CCN4: variants seen among roughly 807,000 people sequenced by gnomAD.
CCN4 encodes the protein cellular communication network factor 4, also known as CCN family member 4.
CCN4 carries 30 observed loss-of-function variants against 36.7 expected under a neutral mutation model. The observed-to-expected ratio is 0.82, with a 90% confidence interval of 0.61 to 1.11. The LOEUF (loss-of-function observed/expected upper bound fraction) is 1.11. CCN4 is among the 50% of genes least tolerant of loss of function. The pLI is 0.00. For synonymous variants in CCN4, 191 were observed against 195.4 expected, an observed-to-expected ratio of 0.98 and a Z score of 0.19; for missense variants, 505 against 504.9, an observed-to-expected ratio of 1.00 and a Z score of 0.00.
chr8:133,209,317 A>G (rs956429729), intron 1 of CCN4, among the ~76,000 whole-genome samples: 3 of 152,210 alleles, frequency 2.0e-5, no homozygotes, highest in African/African-American at 7.2e-5. Context: ...TGGACAAGGC[A>G]GCTGGCACTC....
At chr8:133,194,673 GGT>G (rs1171503280) in intron 1 of CCN4, among the ~76,000 whole-genome samples, 1 of 120,230 alleles carries the variant, frequency 8.3e-6, no homozygotes. Flanking sequence ...TGGGGGATGT[GGT>G]GTGTGTGTGG....
intron 3 of CCN4, among the ~76,000 whole-genome samples, chr8:133,222,120 G>T (rs1854557686): frequency 2.0e-5 from 3 of 151,098 alleles, no homozygotes; most frequent in Non-Finnish European, 4.4e-5. Flanking sequence ...TCAATTAATG[G>T]ATGGATGGAT....
chr8:133,214,599 C>A (rs1854249918), intron 2 of CCN4, among the ~76,000 whole-genome samples: 1 of 152,034 alleles, frequency 6.6e-6, no homozygotes, highest in Admixed American at 6.6e-5. Context: ...TTCCAAGACA[C>A]CTCCTTTATG....
intron 1 of CCN4, among the ~76,000 whole-genome samples, chr8:133,201,013 T>C (rs2130542052): frequency 6.6e-6 from 1 of 152,264 alleles, no homozygotes; most frequent in South Asian, 2.1e-4. Flanking sequence ...GAGCACTCTG[T>C]GGTCCTATTC....
At chr8:133,191,295 G>A in intron 1 of CCN4, 82 bp downstream of exon 1, 1 of 1,464,486 alleles carries the variant, frequency 6.8e-7, no homozygotes, top group Non-Finnish European at 9.2e-7. Flanking sequence ...TGGTGGGCAG[G>A]ATGAAAAGGG....
chr8:133,226,333 A>G (rs1471887805), intron 4 of CCN4, among the ~76,000 whole-genome samples: 1 of 152,202 alleles, frequency 6.6e-6, no homozygotes, highest in African/African-American at 2.4e-5. Flanking sequence ...GTTGCCTCCC[A>G]TGTAGAAAAG....
chr8:133,204,104 T>C (rs1377247577), intron 1 of CCN4, among the ~76,000 whole-genome samples: 5 of 152,220 alleles, frequency 3.3e-5, no homozygotes, highest in African/African-American at 4.8e-5. Context: ...TCATCACTGT[T>C]CACCTACCTA....
intron 3 of CCN4, 86 bp from the exon 4 acceptor site, chr8:133,225,304 G>T: frequency 7.2e-7 from 1 of 1,386,792 alleles, no homozygotes; most frequent in Non-Finnish European, 9.7e-7. Flanking sequence ...TGAGTTCTGG[G>T]GACCGCAGAC....
At chr8:133,196,643 C>T (rs1387915932) in intron 1 of CCN4, among the ~76,000 whole-genome samples, 1 of 152,188 alleles carries the variant, frequency 6.6e-6, no homozygotes, top group Non-Finnish European at 1.5e-5. Flanking sequence ...GCTTTGTGCC[C>T]TCAGGTAAGT....
chr8:133,225,716 T>A (rs1448926355), intron 4 of CCN4, 133 bp downstream of exon 4: 2 of 867,972 alleles, frequency 2.3e-6, no homozygotes, highest in Non-Finnish European at 1.6e-6. Context: ...AGGTCTGGTG[T>A]AACAGCTATT....
intron 3 of CCN4, among the ~76,000 whole-genome samples, chr8:133,221,154 G>A (rs1188515378): frequency 2.6e-5 from 4 of 152,228 alleles, no homozygotes; most frequent in Non-Finnish European, 5.9e-5. Context: ...AAGAAGGGTA[G>A]GTATGTGGGT....
intron 1 of CCN4, among the ~76,000 whole-genome samples, chr8:133,195,073 G>A (rs900050764): frequency 6.7e-6 from 1 of 148,646 alleles, no homozygotes; most frequent in Non-Finnish European, 1.5e-5. Context: ...TATTATGTAT[G>A]TAGTGTGCTT....
At position 133,229,593 on chromosome 8, in the gene CCN4, C is replaced by G. The variant is rs576587779; in HGVS notation, c.*1883C>G. 1 of 152,142 alleles carries G rather than the reference C, an allele frequency of 6.6e-6. No individual in the cohort carries two copies. Among genetic ancestry groups the G allele is most frequent in the African/African-American group, 2.4e-5 (1 of 41,424 alleles). 9.4% of individuals were successfully genotyped at this position (152,142 alleles called of 1,614,324 possible). A position where few individuals can be genotyped will look rare whatever the true frequency, so the allele number is the denominator to read the frequency against. On this transcript the variant is annotated 3_prime_UTR_variant, in exon 5 of 5. Coordinates refer to ENST00000250160, the MANE Select transcript of CCN4 (RefSeq NM_003882.4). ...TGCAGTGTGCAGAGAGATTCCTAAA[C>G]GGGAAAAGGACTGGGAATACATCCT...
chr8:133,214,573 A>G (rs2130590670), intron 2 of CCN4, among the ~76,000 whole-genome samples: 1 of 151,840 alleles, frequency 6.6e-6, no homozygotes, highest in East Asian at 1.9e-4. Flanking sequence ...CATCACGGGT[A>G]TTCTATCCTT....
chr8:133,220,617 GC>G lies in CCN4; in HGVS notation c.387del (p.Tyr130ThrfsTer44). 6.2e-7 allele frequency: 1 copy of G among 1,614,136 alleles called. No individual in the cohort carries two copies. Among genetic ancestry groups the G allele is most frequent in the East Asian group, 2.2e-5 (1 of 44,872 alleles). The stretch of plus-strand genomic sequence containing the variant: ...GTGGGCTGCGTCCTGGATGGGGTGC[GC>G]TACAACAACGGCCAGTCCTTCCAGC... ...VGVGCVLDGVRYNNGQSFQPN... is the reference protein window; with the variant it reads ...VGVGCVLDGVXYNNGQSFQPN... On this transcript the variant is annotated frameshift_variant, in exon 3 of 5. Transcript: ENST00000250160. LOFTEE classifies it high-confidence loss of function.
intron 1 of CCN4, 142 bp downstream of exon 1, chr8:133,191,355 G>C (rs537634088): frequency 9.8e-7 from 1 of 1,018,506 alleles, no homozygotes; most frequent in East Asian, 2.6e-5. Context: ...CAAGGACAGA[G>C]CCCAGGGTGA....
rs775272326 is a variant in CCN4, at chr8:133,191,137, G to A, written c.-8G>A. 2.9e-5 allele frequency: 47 copies of A among 1,605,918 alleles called. No homozygotes were observed. Among genetic ancestry groups the A allele is most frequent in the African/African-American group, 2.7e-4 (20 of 74,888 alleles). On this transcript the variant is annotated 5_prime_UTR_variant, in exon 1 of 5. Coordinates refer to ENST00000250160, the MANE Select transcript of CCN4 (RefSeq NM_003882.4). ...CTCGGTCGATGCCTGTGCCACTGAC[G>A]TCCAGGCATGAGGTGGTTCCTGCCC...
intron 3 of CCN4, 28 bp from the exon 4 acceptor site, chr8:133,225,362 T>G: frequency 6.4e-7 from 1 of 1,552,262 alleles, no homozygotes; most frequent in East Asian, 2.3e-5. Context: ...AGCTGTAGAT[T>G]CATGCAGATT....
chr8:133,229,139 T>C lies in CCN4; in HGVS notation c.*1429T>C, dbSNP rs539750937. On this transcript the variant is annotated 3_prime_UTR_variant, in exon 5 of 5. Coordinates refer to ENST00000250160, the MANE Select transcript of CCN4 (RefSeq NM_003882.4). ...GAGAAGTTCCCATTATTATTTCTGTTCTTACAAATGTGAAACGGAAGCTCA... is the reference window on the plus strand; with the variant it reads ...GAGAAGTTCCCATTATTATTTCTGTCCTTACAAATGTGAAACGGAAGCTCA... The C allele has an allele frequency of 8.5e-5, 13 of 152,312 alleles. No homozygotes were observed. Among genetic ancestry groups the C allele is most frequent in the Admixed American group, 2.0e-4 (3 of 15,302 alleles). 9.4% of individuals were successfully genotyped at this position (152,312 alleles called of 1,614,324 possible).
Sources: allele counts gnomAD v4.1 joint callset (sites outside exome capture counted in the v4.1 genomes callset), GRCh38; gene constraint gnomAD v4.1.1; transcripts MANE v1.5; gene names NCBI Gene and HGNC (gene_info 2026-07-23, HGNC 2026-07-21).